ZBTB20: variants seen among roughly 807,000 people sequenced by gnomAD.
The protein encoded by ZBTB20 is zinc finger and BTB domain-containing protein 20.
ZBTB20 carries 9 observed loss-of-function variants against 56.9 expected under a neutral mutation model. That is an observed-to-expected ratio of 0.16 (90% CI 0.10 to 0.28). The LOEUF (loss-of-function observed/expected upper bound fraction) is 0.28, where lower values mean the gene tolerates loss of function less well. ZBTB20 is among the 10% of genes least tolerant of loss of function. The pLI, the probability that ZBTB20 is intolerant of heterozygous loss-of-function variation, is 1.00. For missense variants in ZBTB20, 655 were observed against 1,003.0 expected (o/e 0.65, Z 4.69); for synonymous variants, 417 against 420.7 (o/e 0.99, Z 0.11).
intron 5 of ZBTB20, among the ~76,000 whole-genome samples, chr3:114,719,934 G>T (rs1238139844): frequency 6.6e-6 from 1 of 151,916 alleles, no homozygotes; most frequent in Non-Finnish European, 1.5e-5. Flanking sequence ...CCAGTGAGTA[G>T]CTTTCAAGGA....
At chr3:115,084,927 A>G (rs775556001) in intron 1 of ZBTB20, among the ~76,000 whole-genome samples, 13 of 152,032 alleles carry the variant, frequency 8.6e-5, no homozygotes, top group Non-Finnish European at 1.5e-5. Context: ...ATTTTCCAGT[A>G]AAAGCTAATA....
intron 6 of ZBTB20, among the ~76,000 whole-genome samples, chr3:114,613,602 T>C (rs534068406): frequency 3.3e-5 from 5 of 152,280 alleles, no homozygotes; most frequent in African/African-American, 9.6e-5. Context: ...TATCAGCTAC[T>C]TGAAACCAGT....
rs1356868466 is a variant in ZBTB20 at position 114,316,485 on chromosome 3, C to A, written c.*22520G>T. 1 of 513,230 alleles carries A rather than the reference C, an allele frequency of 1.9e-6. No homozygotes were observed. The highest frequency in any genetic ancestry group is 2.0e-5 in the African/African-American group (1 of 50,184). The allele number at this position is 513,230 out of a possible 1,614,324, so 31.8% of individuals were successfully genotyped here. Reference sequence around the variant, plus strand: ...GTGTGTATATATGCACATATACACACCTATACATGTATAATATATACACTA... The same window carrying A: ...GTGTGTATATATGCACATATACACAACTATACATGTATAATATATACACTA... On this transcript the variant is annotated 3_prime_UTR_variant, in exon 12 of 12. Transcript: ENST00000675478.
chr3:115,102,455 T>C (rs746114353), intron 1 of ZBTB20: 1 of 152,084 alleles, frequency 6.6e-6, no homozygotes, highest in Non-Finnish European at 1.5e-5. Flanking sequence ...ACATAAAACT[T>C]AGAGTTTGAC....
intron 3 of ZBTB20, among the ~76,000 whole-genome samples, chr3:114,926,812 G>A (rs1440473478): frequency 6.6e-6 from 1 of 152,160 alleles, no homozygotes; most frequent in African/African-American, 2.4e-5. Context: ...CACCCAGGCT[G>A]GAATGCAGTG....
At chr3:114,475,652 A>G (rs1433799053) in intron 7 of ZBTB20, among the ~76,000 whole-genome samples, 4 of 152,230 alleles carry the variant, frequency 2.6e-5, no homozygotes, top group Non-Finnish European at 5.9e-5. Context: ...AAAACTACGA[A>G]AAGAAGGCAT....
chr3:115,028,166 TA>T (rs2080504024), intron 2 of ZBTB20, among the ~76,000 whole-genome samples: 2 of 150,874 alleles, frequency 1.3e-5, no homozygotes, highest in Admixed American at 1.3e-4. Context: ...AATATCTCCT[TA>T]AACCCCAGTT....
intron 3 of ZBTB20, among the ~76,000 whole-genome samples, chr3:114,948,058 TAAA>T (rs1286832804): frequency 6.9e-6 from 1 of 145,630 alleles, no homozygotes; most frequent in Non-Finnish European, 1.5e-5. Context: ...AGAAATATCT[TAAA>T]GAAAATATTA....
At chr3:115,069,472 GAT>G (rs2082327803) in intron 2 of ZBTB20, among the ~76,000 whole-genome samples, 1 of 151,984 alleles carries the variant, frequency 6.6e-6, no homozygotes, top group South Asian at 2.1e-4. Context: ...CAAGCTTTCT[GAT>G]AGGATTCAGT....
At chr3:114,548,264 C>A (rs1332680403) in intron 6 of ZBTB20, among the ~76,000 whole-genome samples, 1 of 152,164 alleles carries the variant, frequency 6.6e-6, no homozygotes, top group Non-Finnish European at 1.5e-5. Flanking sequence ...TTGAACAAAG[C>A]ACCATGTAGA....
In ZBTB20 at chr3:114,865,208, A is replaced by T. The variant is rs142664457; in HGVS notation, c.-417+35096T>A. ...TTGAGTCAACACTTCTAGGGCTTCT[A>T]CCCCTCAACTATGCATTTCCATGGT... On this transcript the variant is annotated intron_variant, in intron 4 of 11. Transcript: ENST00000675478. Among the ~76,000 whole-genome samples the T allele has an allele frequency of 5.9e-5, 9 of 152,238 alleles. No homozygotes were observed. The East Asian group carries it at 1.3e-3, about 23-fold the overall frequency.
intron 1 of ZBTB20, among the ~76,000 whole-genome samples, chr3:115,126,615 C>A (rs900153344): frequency 6.6e-6 from 1 of 151,980 alleles, no homozygotes; most frequent in African/African-American, 2.4e-5. Flanking sequence ...ATAAATACAG[C>A]AGGCTATTAA....
intron 4 of ZBTB20, among the ~76,000 whole-genome samples, chr3:114,838,449 C>T (rs955155203): frequency 1.3e-5 from 2 of 152,004 alleles, no homozygotes; most frequent in Non-Finnish European, 2.9e-5. Flanking sequence ...TTGACATCTT[C>T]GAATGGACAT....
intron 7 of ZBTB20, among the ~76,000 whole-genome samples, chr3:114,413,785 A>G (rs912361556): frequency 4.6e-5 from 7 of 152,268 alleles, no homozygotes; most frequent in Non-Finnish European, 7.4e-5. Context: ...TGAGAGAAGT[A>G]AGGATCAGGG....
At chr3:114,903,454 G>T (rs970795279) in intron 3 of ZBTB20, among the ~76,000 whole-genome samples, 1 of 151,974 alleles carries the variant, frequency 6.6e-6, no homozygotes, top group African/African-American at 2.4e-5. Flanking sequence ...GATAAAGAAG[G>T]CTTGTTGAAG....
intron 3 of ZBTB20, among the ~76,000 whole-genome samples, chr3:114,930,334 G>T (rs1217224882): frequency 6.6e-6 from 1 of 151,910 alleles, no homozygotes; most frequent in Non-Finnish European, 1.5e-5. Context: ...AGAAAAAAAT[G>T]AAAAAAGGGA....
intron 7 of ZBTB20, among the ~76,000 whole-genome samples, chr3:114,430,411 T>C (rs1330336091): frequency 6.6e-6 from 1 of 152,202 alleles, no homozygotes; most frequent in Non-Finnish European, 1.5e-5. Flanking sequence ...AGTTTGTCCA[T>C]CTACAAAGCC....
chr3:114,845,944 G>GGAA (rs1421759090), intron 4 of ZBTB20, among the ~76,000 whole-genome samples: 1 of 152,122 alleles, frequency 6.6e-6, no homozygotes, highest in Non-Finnish European at 1.5e-5. Context: ...GCACCTTGAG[G>GGAA]ACTTCCAGGT....
intron 1 of ZBTB20, among the ~76,000 whole-genome samples, chr3:115,131,162 T>C (rs2084494799): frequency 6.6e-6 from 1 of 152,214 alleles, no homozygotes; most frequent in Admixed American, 6.5e-5. Context: ...TCTTTTCCTT[T>C]ATTTCTTGGG....
Sources: allele counts gnomAD v4.1 joint callset (sites outside exome capture counted in the v4.1 genomes callset), GRCh38; gene constraint gnomAD v4.1.1; transcripts MANE v1.5; gene names NCBI Gene and HGNC (gene_info 2026-07-23, HGNC 2026-07-21).